The following GPAT3 variants were observed in gnomAD, a reference collection of about 807,000 sequenced individuals.
The protein encoded by GPAT3 is 1-AGP acyltransferase 9.
GPAT3 carries 53 observed loss-of-function variants against 58.8 expected under a neutral mutation model. That is an observed-to-expected ratio of 0.90 (90% CI 0.72 to 1.13). The LOEUF is 1.13. Ranked by LOEUF, GPAT3 falls within the 50% of genes most tolerant of loss-of-function variation. The pLI is 0.00. For synonymous variants in GPAT3, 197 were observed against 187.4 expected (o/e 1.05, Z -0.42); for missense variants, 511 against 527.6 (o/e 0.97, Z 0.31).
At chr4:83,551,813 A>AATCTATCTATCTATCATCTATCT (rs1724763763) in intron 2 of GPAT3, among the ~76,000 whole-genome samples, 6 of 102,400 alleles carry the variant, frequency 5.9e-5, no homozygotes, top group African/African-American at 2.8e-4. Flanking sequence ...AAAAAAAAAA[A>AATCTATCTATCTATCATCTATCT]ATCTATCTAT....
At chr4:83,599,278 T>G (rs1442574046) in intron 11 of GPAT3, among the ~76,000 whole-genome samples, 2 of 152,188 alleles carry the variant, frequency 1.3e-5, no homozygotes, top group African/African-American at 4.8e-5. Context: ...CTCCTCAATT[T>G]GTGCTTCTCT....
Position 83,544,563 on chromosome 4 carries a change from A to G in GPAT3, c.169A>G (p.Thr57Ala). 6.2e-7 allele frequency: 1 copy of G among 1,614,006 alleles called. No homozygotes were observed. The highest frequency in any genetic ancestry group is 1.3e-5 in the African/African-American group (1 of 74,996). ...GGCCACAATACGAATTGAAAAAGGA[A>G]CCCCAAAGGAGTCGATTCTTAAAAA... ...EWATIRIEKG[T>A]PKESILKNSA... The change falls in exon 2 of 12, where the codon ACC (threonine) becomes GCC (alanine). Residue 57 changes from threonine (T) to alanine (A), a missense_variant. Physicochemically the swap from Thr to Ala is moderately conservative, Grantham distance 58 (BLOSUM62 0). Transcript: ENST00000264409.
At chr4:83,588,399 A>T in intron 5 of GPAT3, 100 bp downstream of exon 5, 1 of 1,108,446 alleles carries the variant, frequency 9.0e-7, no homozygotes, top group Non-Finnish European at 1.3e-6. Context: ...GGGTGGAGTC[A>T]GAGTGCTTCC....
intron 1 of GPAT3, among the ~76,000 whole-genome samples, chr4:83,537,747 G>A (rs1274832533): frequency 1.3e-5 from 2 of 151,706 alleles, no homozygotes; most frequent in Non-Finnish European, 2.9e-5. Flanking sequence ...TGAGCCCCAC[G>A]CCTGGCCAGA....
At position 83,591,554 on chromosome 4, in the gene GPAT3, T is replaced by C. The variant is rs546528404; in HGVS notation, c.738+1262T>C. On this transcript the variant is annotated intron_variant, in intron 6 of 11. Transcript: ENST00000264409. The stretch of plus-strand genomic sequence containing the variant: ...TTTAAAGAAAAAAACTAACCATATC[T>C]GCATCATACAAACAACAATTTTATG... 2.0e-5 allele frequency among the ~76,000 whole-genome samples: 3 copies of C among 152,292 alleles called. No individual in the cohort carries two copies. The South Asian group carries it at 6.2e-4, about 32-fold the overall frequency.
intron 2 of GPAT3, among the ~76,000 whole-genome samples, chr4:83,568,631 C>T (rs1043243042): frequency 3.3e-5 from 5 of 151,928 alleles, no homozygotes; most frequent in Non-Finnish European, 7.4e-5. Context: ...CTTCAGCGTC[C>T]GGGGTAGCTG....
intron 2 of GPAT3, among the ~76,000 whole-genome samples, chr4:83,547,455 T>C (rs1476486564): frequency 6.6e-6 from 1 of 151,900 alleles, no homozygotes; most frequent in Non-Finnish European, 1.5e-5. Flanking sequence ...GGTTTCACCG[T>C]GTTAGCCAGG....
rs559043301 is a variant in GPAT3 at position 83,540,310 on chromosome 4, G to A, written c.141+3547G>A. Reference sequence around the variant, plus strand: ...CTTTCAACTTTCCTTGGGGGGCAGAGAATGTGGGTTGTTAGAAGCCACTTT... The same window carrying A: ...CTTTCAACTTTCCTTGGGGGGCAGAAAATGTGGGTTGTTAGAAGCCACTTT... On this transcript the variant is annotated intron_variant, in intron 1 of 11. Coordinates refer to ENST00000264409, the MANE Select transcript of GPAT3 (RefSeq NM_032717.5). Among the ~76,000 whole-genome samples, 226 of 152,286 alleles carry A rather than the reference G, an allele frequency of 1.5e-3. 2 individuals are homozygous for A. The highest frequency in any genetic ancestry group is 4.0e-3 in the African/African-American group (167 of 41,550).
rs766081273 is a variant in GPAT3, at chr4:83,561,025, A to G, written c.208+16423A>G. ...CAATCTCAGGTATTTCTTTATAACAATGTGAGAACAGACTAATACAACTGG... is the reference window on the plus strand; with the variant it reads ...CAATCTCAGGTATTTCTTTATAACAGTGTGAGAACAGACTAATACAACTGG... On this transcript the variant is annotated intron_variant, in intron 2 of 11. Transcript: ENST00000264409. Among the ~76,000 whole-genome samples the G allele has an allele frequency of 3.9e-4, 59 of 152,220 alleles. 1 individual carries two copies. Among genetic ancestry groups the G allele is most frequent in the Non-Finnish European group, 2.5e-4 (17 of 68,046 alleles).
intron 2 of GPAT3, among the ~76,000 whole-genome samples, chr4:83,562,216 T>TAAA (rs1560611137): frequency 1.2e-5 from 1 of 80,070 alleles, no homozygotes; most frequent in African/African-American, 5.8e-5. Flanking sequence ...ATATATTATA[T>TAAA]ATATATATAA....
chr4:83,574,886 T>TC (rs1725741960), intron 2 of GPAT3, among the ~76,000 whole-genome samples: 1 of 144,910 alleles, frequency 6.9e-6, no homozygotes, highest in Non-Finnish European at 1.5e-5. Context: ...TTTTTTGTTT[T>TC]TTTTTTTTTG....
rs951002215 is a variant in GPAT3 at position 83,560,649 on chromosome 4, C to T, written c.208+16047C>T. On this transcript the variant is annotated intron_variant, in intron 2 of 11. Transcript: ENST00000264409. ...TGGTGATACAGTTTGGATGTGTCCT[C>T]CTGCTCAAATCGCATGTTGAAATAT... 2.5e-4 allele frequency among the ~76,000 whole-genome samples: 38 copies of T among 152,256 alleles called. 1 individual carries two copies. The highest frequency in any genetic ancestry group is 7.7e-4 in the African/African-American group (32 of 41,558).
chr4:83,567,275 T>C (rs1402611183), intron 2 of GPAT3, among the ~76,000 whole-genome samples: 1 of 152,194 alleles, frequency 6.6e-6, no homozygotes, highest in Admixed American at 6.6e-5. Context: ...CCAATAAAGA[T>C]CATGTCAACT....
intron 2 of GPAT3, among the ~76,000 whole-genome samples, chr4:83,556,772 C>T (rs921106151): frequency 1.1e-4 from 17 of 150,544 alleles, no homozygotes; most frequent in Admixed American, 1.1e-3. Flanking sequence ...ATTTTCTCAT[C>T]TACGGTTCTC....
At chr4:83,565,110 T>A (rs1342500794) in intron 2 of GPAT3, among the ~76,000 whole-genome samples, 5 of 152,002 alleles carry the variant, frequency 3.3e-5, no homozygotes, top group Non-Finnish European at 4.4e-5. Context: ...TTATTTATTT[T>A]ATTTTTTTGA....
intron 2 of GPAT3, among the ~76,000 whole-genome samples, chr4:83,544,976 A>G (rs1008526116): frequency 5.9e-5 from 9 of 152,150 alleles, no homozygotes; most frequent in African/African-American, 1.9e-4. Flanking sequence ...CCAACTTGTG[A>G]TTCTCAAAGT....
intron 2 of GPAT3, among the ~76,000 whole-genome samples, chr4:83,569,740 T>G (rs191524720): frequency 9.9e-5 from 15 of 151,592 alleles, no homozygotes; most frequent in Admixed American, 9.2e-4. Flanking sequence ...GGCATGGTTT[T>G]GTTTGTTTGT....
intron 9 of GPAT3, among the ~76,000 whole-genome samples, chr4:83,597,738 C>T (rs1726899326): frequency 6.6e-6 from 1 of 152,092 alleles, no homozygotes; most frequent in South Asian, 2.1e-4. Context: ...TGTATTTGCT[C>T]ATAGTGTTAA....
At chr4:83,559,821 A>G (rs1725067420) in intron 2 of GPAT3, among the ~76,000 whole-genome samples, 1 of 152,184 alleles carries the variant, frequency 6.6e-6, no homozygotes. Flanking sequence ...GTGGCAAGGC[A>G]TGCTTTGTAC....
Sources: gnomAD v4.1 joint callset for allele counts (sites outside exome capture counted in the v4.1 genomes callset) on GRCh38, gnomAD v4.1.1 for gene constraint, MANE v1.5 for transcripts, NCBI Gene and HGNC (gene_info 2026-07-23, HGNC 2026-07-21) for gene names.